PRELID2: variants seen among roughly 807,000 people sequenced by gnomAD.
The protein encoded by PRELID2 is PRELI domain-containing protein 2.
Under a neutral mutation model 28.4 loss-of-function variants are expected in PRELID2, and 25 were observed. The observed-to-expected ratio is 0.88, with a 90% CI of 0.64 to 1.23. PRELID2 has a LOEUF of 1.23. Among genes scored for constraint, PRELID2 ranks in the 50% most tolerant of loss-of-function variants. The probability of loss-of-function intolerance (pLI) is 0.00; values close to 1 mark genes in which losing one functional copy is unlikely to be tolerated. For missense variants in PRELID2, 201 were observed against 214.4 expected (o/e 0.94, Z 0.39); for synonymous variants, 76 against 71.6 (o/e 1.06, Z -0.31).
intron 1 of PRELID2, among the ~76,000 whole-genome samples, chr5:145,602,168 T>C (rs1033180348): frequency 1.2e-4 from 18 of 152,250 alleles, no homozygotes; most frequent in Admixed American, 9.8e-4. Flanking sequence ...AATATAATAG[T>C]AAAGCCCAAG....
At chr5:145,401,148 C>T in the PRELID2 span, among the ~76,000 whole-genome samples, 4 of 152,050 alleles carry the variant, frequency 2.6e-5, no homozygotes, top group Non-Finnish European at 4.4e-5. Flanking sequence ...ACTTAAATCA[C>T]GCAGTTGAAA....
intron 1 of PRELID2, among the ~76,000 whole-genome samples, chr5:145,731,500 C>T (rs537676589): frequency 2.6e-5 from 4 of 152,304 alleles, no homozygotes; most frequent in East Asian, 3.9e-4. Context: ...TGGAGCCAAA[C>T]ACTTACTATC....
chr5:145,832,529 A>C (rs1229915699), intron 1 of PRELID2, among the ~76,000 whole-genome samples: 1 of 152,096 alleles, frequency 6.6e-6, no homozygotes, highest in Non-Finnish European at 1.5e-5. Context: ...ATAATCGTTG[A>C]AGTGCCTATT....
At chr5:145,709,593 A>T (rs1035530509) in intron 1 of PRELID2, among the ~76,000 whole-genome samples, 11 of 152,006 alleles carry the variant, frequency 7.2e-5, no homozygotes, top group African/African-American at 2.7e-4. Flanking sequence ...AAAAAAAAAA[A>T]AAACAAAATG....
At chr5:145,435,873 G>A in the PRELID2 span, among the ~76,000 whole-genome samples, 3 of 152,090 alleles carry the variant, frequency 2.0e-5, no homozygotes, top group African/African-American at 7.2e-5. Context: ...AAGTTAATTA[G>A]TTTCTCTAAG....
chr5:145,352,434 G>A, the PRELID2 span, among the ~76,000 whole-genome samples: 4 of 152,124 alleles, frequency 2.6e-5, no homozygotes, highest in African/African-American at 9.7e-5. Context: ...ATCCATCACT[G>A]AAATTGAAGC....
rs749753479 is a variant in PRELID2 at position 145,595,175 on chromosome 5, C to CAT, written n.71-121861_71-121860insAT. Among the ~76,000 whole-genome samples the CAT allele has an allele frequency of 1.7e-3, 255 of 150,776 alleles. 3 individuals carry two copies. The highest frequency in any genetic ancestry group is 5.7e-3 in the African/African-American group (233 of 41,000). On this transcript the variant is annotated intron_variant and non_coding_transcript_variant, in intron 1 of 2. Transcript: ENST00000510259. Reference sequence around the variant, plus strand: ...GAGTCATAATAGACACACACACACACACACACACACACACACACACACACA... The same window carrying CAT: ...GAGTCATAATAGACACACACACACACATACACACACACACACACACACACACA...
At chr5:145,586,703 A>T (rs1753158174) in intron 1 of PRELID2, among the ~76,000 whole-genome samples, 3 of 152,114 alleles carry the variant, frequency 2.0e-5, no homozygotes, top group Non-Finnish European at 4.4e-5. Flanking sequence ...ATCTCTGAGC[A>T]TGAGGTAGGT....
At chr5:145,790,721 G>GTGTGTGTATATATA (rs772901344) in intron 5 of PRELID2, among the ~76,000 whole-genome samples, 19 of 110,904 alleles carry the variant, frequency 1.7e-4, no homozygotes, top group South Asian at 6.6e-4. Context: ...GTGTGTGTGT[G>GTGTGTGTATATATA]TATATATATA....
At chr5:145,493,886 T>G (rs1303544040) in intron 1 of PRELID2, among the ~76,000 whole-genome samples, 3 of 152,238 alleles carry the variant, frequency 2.0e-5, no homozygotes, top group East Asian at 3.8e-4. Context: ...TAAATGACTC[T>G]TAAGAATTTC....
intron 1 of PRELID2, among the ~76,000 whole-genome samples, chr5:145,742,126 A>G (rs1406272251): frequency 3.7e-4 from 2 of 5,344 alleles, no homozygotes; most frequent in Admixed American, 5.6e-3. Context: ...AAAATTTATT[A>G]ATTATAAATA....
At chr5:145,763,269 G>T (rs1757565612) in intron 6 of PRELID2, among the ~76,000 whole-genome samples, 1 of 152,172 alleles carries the variant, frequency 6.6e-6, no homozygotes, top group Admixed American at 6.5e-5. Context: ...TCACAAATAT[G>T]CTAGCCGAGA....
chr5:145,311,180 G>C, the PRELID2 span, among the ~76,000 whole-genome samples: 1 of 152,166 alleles, frequency 6.6e-6, no homozygotes, highest in African/African-American at 2.4e-5. Context: ...TGGTCACTCA[G>C]GGACATAGAC....
intron 1 of PRELID2, among the ~76,000 whole-genome samples, chr5:145,737,317 C>T (rs973891774): frequency 2.2e-4 from 33 of 151,774 alleles, no homozygotes. Context: ...GCAATGTTTC[C>T]GCTGAGAAAT....
chr5:145,482,810 C>T (rs144634821), intron 1 of PRELID2, among the ~76,000 whole-genome samples: 73 of 151,886 alleles, frequency 4.8e-4, no homozygotes, highest in African/African-American at 1.7e-3. Context: ...GACAGATCAT[C>T]AGGTATTAGA....
At chr5:145,357,249 G>T in the PRELID2 span, among the ~76,000 whole-genome samples, 1 of 152,114 alleles carries the variant, frequency 6.6e-6, no homozygotes, top group African/African-American at 2.4e-5. Context: ...TCTCACAGAG[G>T]TTCTCTGCAT....
chr5:145,446,517 G>C, the PRELID2 span, among the ~76,000 whole-genome samples: 3 of 152,130 alleles, frequency 2.0e-5, no homozygotes, highest in Non-Finnish European at 4.4e-5. Context: ...ATGTCCTCAT[G>C]TGCAAAAGAT....
the PRELID2 span, among the ~76,000 whole-genome samples, chr5:145,275,180 C>A: frequency 6.6e-6 from 1 of 152,086 alleles, no homozygotes; most frequent in East Asian, 1.9e-4. Context: ...TCAACCCAAA[C>A]ACAGGACAAA....
chr5:145,811,303 A>T (rs545822757), intron 4 of PRELID2, among the ~76,000 whole-genome samples: 1 of 151,862 alleles, frequency 6.6e-6, no homozygotes, highest in Admixed American at 6.6e-5. Context: ...ACACAGCAAA[A>T]CCATATCAGG....
Sources: gnomAD v4.1 joint callset for allele counts (sites outside exome capture counted in the v4.1 genomes callset) on GRCh38, gnomAD v4.1.1 for gene constraint, MANE v1.5 for transcripts, NCBI Gene and HGNC (gene_info 2026-07-23, HGNC 2026-07-21) for gene names.